The following CRIPT variants were observed in gnomAD, a reference collection of about 807,000 sequenced individuals.
The protein encoded by CRIPT is cysteine-rich PDZ-binding protein.
CRIPT carries 20 observed loss-of-function variants against 16.6 expected under a neutral mutation model. That is an observed-to-expected ratio of 1.20 (90% CI 0.85 to 1.75). The LOEUF (loss-of-function observed/expected upper bound fraction) is 1.75, where lower values mean the gene tolerates loss of function less well. Among genes scored for constraint, CRIPT ranks in the 40% most tolerant of loss-of-function variants. The probability of loss-of-function intolerance (pLI) is 0.00; values close to 1 mark genes in which losing one functional copy is unlikely to be tolerated. For synonymous variants in CRIPT, 42 were observed against 37.0 expected (o/e 1.14, Z -0.49); for missense variants, 133 against 115.3 (o/e 1.15, Z -0.70).
At position 46,625,561 on chromosome 2, in the gene CRIPT, A is replaced by C. The variant is rs998140415; in HGVS notation, c.*1334A>C. On this transcript the variant is annotated 3_prime_UTR_variant, in exon 5 of 5. Coordinates refer to ENST00000238892, the MANE Select transcript of CRIPT (RefSeq NM_014171.6). ...TACATATCACTACAAAATGTATAGA[A>C]AGTGTGATGAGATACATGAATGGCA... 5.9e-5 allele frequency: 9 copies of C among 151,990 alleles called. No individual in the cohort carries two copies. The highest frequency in any genetic ancestry group is 2.2e-4 in the African/African-American group (9 of 41,392). 9.4% of individuals were successfully genotyped at this position (151,990 alleles called of 1,614,324 possible).
rs995331292 is a variant in CRIPT, at chr2:46,626,882, G to C, written c.*2655G>C. ...AGTTTCACTGTTGTCACCCAGGCTAGAGTGCAATGGCACCATCTCAGCTCA... is the reference window on the plus strand; with the variant it reads ...AGTTTCACTGTTGTCACCCAGGCTACAGTGCAATGGCACCATCTCAGCTCA... On this transcript the variant is annotated 3_prime_UTR_variant, in exon 5 of 5. Transcript: ENST00000238892. 6.6e-6 allele frequency among the ~76,000 whole-genome samples: 1 copy of C among 152,060 alleles called. No individual in the cohort carries two copies. The highest frequency in any genetic ancestry group is 1.5e-5 in the Non-Finnish European group (1 of 68,022).
rs930318820 is a variant in CRIPT at position 46,629,455 on chromosome 2, G to T, written c.*5228G>T. Among the ~76,000 whole-genome samples, 1 of 151,966 alleles carries T rather than the reference G, an allele frequency of 6.6e-6. No homozygotes were observed. Among genetic ancestry groups the T allele is most frequent in the Non-Finnish European group, 1.5e-5 (1 of 67,984 alleles). On this transcript the variant is annotated 3_prime_UTR_variant, in exon 5 of 5. Coordinates refer to ENST00000238892, the MANE Select transcript of CRIPT (RefSeq NM_014171.6). ...GCTGTTTTATTGGTAATTTTTTTCA[G>T]CTCCACGATCCAGCCTAGGATCATA...
intron 1 of CRIPT, among the ~76,000 whole-genome samples, chr2:46,618,346 T>C (rs1355336532): frequency 1.3e-5 from 2 of 152,178 alleles, no homozygotes; most frequent in Non-Finnish European, 2.9e-5. Flanking sequence ...CTTGTTCGCA[T>C]ATCTCTTAAG....
chr2:46,620,780 T>C (rs1670783330), intron 3 of CRIPT, among the ~76,000 whole-genome samples: 1 of 150,938 alleles, frequency 6.6e-6, no homozygotes, highest in African/African-American at 2.4e-5. Context: ...GCCTGACTTC[T>C]CTGAGCTCTA....
At chr2:46,624,039 A>G (rs930842989) in intron 4 of CRIPT, 124 bp from the exon 5 acceptor site, 30 of 382,490 alleles carry the variant, frequency 7.8e-5, no homozygotes, top group Non-Finnish European at 1.1e-4. Context: ...ATATATATAT[A>G]TATTTTTTTT....
At position 46,626,347 on chromosome 2, in the gene CRIPT, C is replaced by G. The variant is rs1423970466; in HGVS notation, c.*2120C>G. ...TATCCAGTCCACTATTAATGAGCAT[C>G]TAGGTTGATTCTGTGTCTTTGCTGT... On this transcript the variant is annotated 3_prime_UTR_variant, in exon 5 of 5. Coordinates refer to ENST00000238892, the MANE Select transcript of CRIPT (RefSeq NM_014171.6). Among the ~76,000 whole-genome samples the G allele has an allele frequency of 6.6e-6, 1 of 152,108 alleles. No homozygotes were observed. The highest frequency in any genetic ancestry group is 1.5e-5 in the Non-Finnish European group (1 of 68,022).
intron 3 of CRIPT, 106 bp from the exon 4 acceptor site, chr2:46,623,657 TG>T: frequency 1.6e-6 from 1 of 606,914 alleles, no homozygotes; most frequent in Non-Finnish European, 2.9e-6. Flanking sequence ...TAGAGGTTGA[TG>T]GAGGGATGGA....
At chr2:46,617,329 G>C in intron 1 of CRIPT, 31 bp downstream of exon 1, 1 of 1,551,850 alleles carries the variant, frequency 6.4e-7, no homozygotes, top group Non-Finnish European at 8.7e-7. Flanking sequence ...TGCGGGAGGA[G>C]GAGGCTGGGA....
rs183495651 is a variant in CRIPT at position 46,627,684 on chromosome 2, A to T, written c.*3457A>T. Reference sequence around the variant, plus strand: ...GGTCTTGAATTCCGAGCCTCAAGTGATCCACCCACCTCAGTCTCCCAAAGT... The same window carrying T: ...GGTCTTGAATTCCGAGCCTCAAGTGTTCCACCCACCTCAGTCTCCCAAAGT... On this transcript the variant is annotated 3_prime_UTR_variant, in exon 5 of 5. Transcript: ENST00000238892. 6.6e-6 allele frequency among the ~76,000 whole-genome samples: 1 copy of T among 152,082 alleles called. No individual in the cohort carries two copies. The highest frequency in any genetic ancestry group is 1.9e-4 in the East Asian group (1 of 5,172).
Position 46,625,375 on chromosome 2 carries a change from CTTTTTTTTTTTTTTTT to C in CRIPT, c.*1161_*1176del, listed in dbSNP as rs143660848. 5 of 76,004 alleles carry C rather than the reference CTTTTTTTTTTTTTTTT, an allele frequency of 6.6e-5. No individual in the cohort carries two copies. Among genetic ancestry groups the C allele is most frequent in the South Asian group, 5.4e-4 (1 of 1,858 alleles). 4.7% of individuals were successfully genotyped at this position (76,004 alleles called of 1,614,324 possible). ...GTGAGCCACAGAACTTGGCCTCTCT[CTTTTTTTTTTTTTTTT>C]TTTTTTTTTTTTAACACTACAGGTT... On this transcript the variant is annotated 3_prime_UTR_variant, in exon 5 of 5. Coordinates refer to ENST00000238892, the MANE Select transcript of CRIPT (RefSeq NM_014171.6).
intron 4 of CRIPT, 48 bp from the exon 5 acceptor site, chr2:46,624,111 CCAAA>C (rs1168495723): frequency 3.0e-6 from 4 of 1,324,238 alleles, no homozygotes; most frequent in Non-Finnish European, 4.1e-6. Flanking sequence ...TTGACTTAAA[CCAAA>C]CAGTTGGTAT....
intron 3 of CRIPT, among the ~76,000 whole-genome samples, 200 bp from the exon 4 acceptor site, chr2:46,623,564 A>G (rs1009737481): frequency 1.3e-5 from 2 of 152,188 alleles, no homozygotes; most frequent in Non-Finnish European, 2.9e-5. Flanking sequence ...TTATAAGTAT[A>G]TATCTCACAT....
Position 46,629,973 on chromosome 2 carries a change from T to TG in CRIPT, c.*5746_*5747insG, listed in dbSNP as rs1671031361. On this transcript the variant is annotated 3_prime_UTR_variant, in exon 5 of 5. Transcript: ENST00000238892. Reference sequence around the variant, plus strand: ...TTATTATTTCTGTATTAATTAGTCATCATTCTACTGTAAGGAAGAGGTTTC... The same window carrying TG: ...TTATTATTTCTGTATTAATTAGTCATGCATTCTACTGTAAGGAAGAGGTTTC... Among the ~76,000 whole-genome samples the TG allele has an allele frequency of 6.6e-5, 10 of 152,202 alleles. No homozygotes were observed. Among genetic ancestry groups the TG allele is most frequent in the Non-Finnish European group, 1.3e-4 (9 of 68,034 alleles).
At chr2:46,624,100 A>T in intron 4 of CRIPT, 63 bp from the exon 5 acceptor site, 1 of 1,120,620 alleles carries the variant, frequency 8.9e-7, no homozygotes, top group Non-Finnish European at 1.2e-6. Flanking sequence ...AAGCTTCAGG[A>T]TTGACTTAAA....
chr2:46,619,545 G>C (rs564007781), intron 2 of CRIPT, 82 bp from the exon 3 acceptor site: 1 of 903,286 alleles, frequency 1.1e-6, no homozygotes, highest in East Asian at 2.9e-5. Flanking sequence ...TATTTTGGTA[G>C]AAAGTCAAGG....
In CRIPT at chr2:46,624,979, A is replaced by G. The variant is rs1299876624; in HGVS notation, c.*752A>G. 6.9e-6 allele frequency: 1 copy of G among 145,196 alleles called. No individual in the cohort carries two copies. Among genetic ancestry groups the G allele is most frequent in the Non-Finnish European group, 1.5e-5 (1 of 67,694 alleles). 9.0% of individuals were successfully genotyped at this position (145,196 alleles called of 1,614,324 possible). A position where few individuals can be genotyped will look rare whatever the true frequency, so the allele number is the denominator to read the frequency against. On this transcript the variant is annotated 3_prime_UTR_variant, in exon 5 of 5. Coordinates refer to ENST00000238892, the MANE Select transcript of CRIPT (RefSeq NM_014171.6). The stretch of plus-strand genomic sequence containing the variant: ...GAAAAGCTCTTTGAAGCAAAAACCA[A>G]ACTTTTTTTTTTTTTTTTTTACCTC...
In CRIPT at chr2:46,625,252, G is replaced by A. The variant is rs757900719; in HGVS notation, c.*1025G>A. ...TGTGCTCAGCTAGTTTTTATTTTTA[G>A]TAGAGATGAGGACTCACTATGTTGC... is the stretch of plus-strand genomic sequence containing the variant. On this transcript the variant is annotated 3_prime_UTR_variant, in exon 5 of 5. Transcript: ENST00000238892. 4.0e-5 allele frequency: 6 copies of A among 151,210 alleles called. No homozygotes were observed. Among genetic ancestry groups the A allele is most frequent in the South Asian group, 4.2e-4 (2 of 4,794 alleles). 9.4% of individuals were successfully genotyped at this position (151,210 alleles called of 1,614,324 possible). A position where few individuals can be genotyped will look rare whatever the true frequency, so the allele number is the denominator to read the frequency against.
At chr2:46,623,071 T>A (rs914175046) in intron 3 of CRIPT, among the ~76,000 whole-genome samples, 2 of 152,134 alleles carry the variant, frequency 1.3e-5, no homozygotes, top group Non-Finnish European at 2.9e-5. Context: ...GGAAGCCCTT[T>A]TATCTAAAAG....
rs1051624903 is a variant in CRIPT at position 46,617,315 on chromosome 2, C to T, written c.16+17C>T. The stretch of plus-strand genomic sequence containing the variant: ...GCGAAAAATGTGAGTTAAGGGGCCG[C>T]TTCTGCGGGAGGAGGAGGCTGGGAG... On this transcript the variant is annotated intron_variant, in intron 1 of 4. Coordinates refer to ENST00000238892, the MANE Select transcript of CRIPT (RefSeq NM_014171.6). 4.5e-6 allele frequency: 7 copies of T among 1,553,762 alleles called. No homozygotes were observed. Among genetic ancestry groups the T allele is most frequent in the South Asian group, 1.2e-5 (1 of 84,294 alleles).
Sources: allele counts gnomAD v4.1 joint callset (sites outside exome capture counted in the v4.1 genomes callset), GRCh38; gene constraint gnomAD v4.1.1; transcripts MANE v1.5; gene names NCBI Gene and HGNC (gene_info 2026-07-23, HGNC 2026-07-21).